Variants in PPP3CA observed in about 807,000 individuals in gnomAD.
PPP3CA encodes CAM-PRP catalytic subunit.
PPP3CA carries 14 observed loss-of-function variants against 66.5 expected under a neutral mutation model. The observed-to-expected ratio is 0.21, with a 90% CI of 0.14 to 0.33. PPP3CA has a LOEUF of 0.33. Among genes scored for constraint, PPP3CA ranks in the 10% least tolerant of loss-of-function variants. The probability of loss-of-function intolerance (pLI) is 1.00; values close to 1 mark genes in which losing one functional copy is unlikely to be tolerated. For synonymous variants in PPP3CA, 232 were observed against 226.2 expected (o/e 1.03, Z -0.23); for missense variants, 317 against 639.5 (o/e 0.50, Z 5.44).
intron 1 of PPP3CA, among the ~76,000 whole-genome samples, chr4:101,310,583 G>A (rs1239562850): frequency 6.6e-6 from 1 of 152,072 alleles, no homozygotes; most frequent in African/African-American, 2.4e-5. Context: ...TGAGGTGGGA[G>A]GATCACTTCA....
chr4:101,039,474 G>A lies in PPP3CA; in HGVS notation c.1241+1008C>T, dbSNP rs529055274. On this transcript the variant is annotated intron_variant, in intron 11 of 13. Transcript: ENST00000394854. ...AGCAAAGGTAGCCTCATTCAATAAC[G>A]GAAGGGAGCAATGATGCCCTATTTT... 9.7e-5 allele frequency among the ~76,000 whole-genome samples: 14 copies of A among 144,866 alleles called. 2 individuals carry two copies. Among genetic ancestry groups the A allele is most frequent in the African/African-American group, 3.5e-4 (14 of 39,876 alleles).
intron 1 of PPP3CA, among the ~76,000 whole-genome samples, chr4:101,254,743 A>C (rs6815276): frequency 6.6e-5 from 10 of 151,744 alleles, no homozygotes; most frequent in African/African-American, 2.4e-4. Context: ...ATTACTCTAA[A>C]TGTTAAATCT....
chr4:101,333,674 G>A (rs1288923438), intron 1 of PPP3CA, among the ~76,000 whole-genome samples: 1 of 151,924 alleles, frequency 6.6e-6, no homozygotes, highest in African/African-American at 2.4e-5. Context: ...GCAGAAACAG[G>A]CATCCATCTT....
rs1438860238 is a variant in PPP3CA at position 101,060,995 on chromosome 4, C to T, written c.1156+92G>A. Reference sequence around the variant, plus strand: ...AATAATGTTACGTTTTAAACATAATCCAAATCTTAGAAATTTATTCTTAGA... The same window carrying T: ...AATAATGTTACGTTTTAAACATAATTCAAATCTTAGAAATTTATTCTTAGA... On this transcript the variant is annotated intron_variant, in intron 10 of 13. Coordinates refer to ENST00000394854, the MANE Select transcript of PPP3CA (RefSeq NM_000944.5). 6 of 1,087,956 alleles carry T rather than the reference C, an allele frequency of 5.5e-6. No individual in the cohort carries two copies. In the African/African-American group the frequency reaches 9.5e-5, roughly 17 times the overall value. 67.4% of individuals were successfully genotyped at this position (1,087,956 alleles called of 1,614,324 possible).
chr4:101,266,446 TTAC>T (rs1727172456), intron 1 of PPP3CA, among the ~76,000 whole-genome samples: 1 of 152,196 alleles, frequency 6.6e-6, no homozygotes, highest in South Asian at 2.1e-4. Flanking sequence ...ATAAGAATGG[TTAC>T]TACTACATTA....
chr4:101,147,723 C>CA (rs1723014856), intron 2 of PPP3CA, among the ~76,000 whole-genome samples: 1 of 152,156 alleles, frequency 6.6e-6, no homozygotes, highest in African/African-American at 2.4e-5. Context: ...CACACACACA[C>CA]ACCCATACCC....
chr4:101,319,467 T>A (rs1337754127), intron 1 of PPP3CA, among the ~76,000 whole-genome samples: 1 of 152,126 alleles, frequency 6.6e-6, no homozygotes, highest in Non-Finnish European at 1.5e-5. Flanking sequence ...TAATCTAATG[T>A]TATTCAAGAG....
At position 101,124,712 on chromosome 4, in the gene PPP3CA, A is replaced by AGAAG. The variant is rs1491479949; in HGVS notation, c.260-15635_260-15634insCTTC. 6.1e-5 allele frequency among the ~76,000 whole-genome samples: 6 copies of AGAAG among 97,632 alleles called. No homozygotes were observed. The East Asian group carries it at 1.4e-3, about 22-fold the overall frequency. 64.1% of individuals were successfully genotyped at this position (97,632 alleles called of 152,430 possible). A position where few individuals can be genotyped will look rare whatever the true frequency, so the allele number is the denominator to read the frequency against. Reference sequence around the variant, plus strand: ...AAGAAAGAAAGAAAGAAAGAAAGAAAGAAAGAAAGAAAGAGAAAGAAAGAA... The same window carrying AGAAG: ...AAGAAAGAAAGAAAGAAAGAAAGAAAGAAGGAAAGAAAGAAAGAGAAAGAAAGAA... On this transcript the variant is annotated intron_variant, in intron 2 of 13. Transcript: ENST00000394854.
chr4:101,321,971 A>G (rs912720611), intron 1 of PPP3CA, among the ~76,000 whole-genome samples: 4 of 152,196 alleles, frequency 2.6e-5, no homozygotes, highest in Admixed American at 2.0e-4. Flanking sequence ...CCTTTCCCTC[A>G]ACTCCAATTA....
chr4:101,207,794 C>T (rs1364347528), intron 1 of PPP3CA, among the ~76,000 whole-genome samples: 2 of 151,708 alleles, frequency 1.3e-5, no homozygotes, highest in South Asian at 4.2e-4. Context: ...CCACTGCAAT[C>T]CAGGCTGGTG....
intron 2 of PPP3CA, among the ~76,000 whole-genome samples, chr4:101,193,840 A>T (rs1724701569): frequency 6.6e-6 from 1 of 152,244 alleles, no homozygotes; most frequent in Non-Finnish European, 1.5e-5. Context: ...TAACTAGGAC[A>T]TTAATTCCTC....
At chr4:101,133,392 T>G (rs540066877) in intron 2 of PPP3CA, among the ~76,000 whole-genome samples, 2 of 152,300 alleles carry the variant, frequency 1.3e-5, no homozygotes, top group South Asian at 2.1e-4. Context: ...ATAAGCAACT[T>G]CAGCAAAGTC....
intron 2 of PPP3CA, among the ~76,000 whole-genome samples, chr4:101,136,790 T>C (rs1722637288): frequency 6.6e-6 from 1 of 152,102 alleles, no homozygotes; most frequent in Non-Finnish European, 1.5e-5. Flanking sequence ...CAATAATGAA[T>C]ATTTTCTTTT....
chr4:101,141,342 C>T (rs1722801991), intron 2 of PPP3CA, among the ~76,000 whole-genome samples: 1 of 152,160 alleles, frequency 6.6e-6, no homozygotes, highest in Non-Finnish European at 1.5e-5. Flanking sequence ...TGCATGCCAA[C>T]TTGGGCAAAA....
chr4:101,058,982 T>A (rs1199619906), intron 10 of PPP3CA, among the ~76,000 whole-genome samples: 1 of 152,104 alleles, frequency 6.6e-6, no homozygotes. Flanking sequence ...CCAGTGGACT[T>A]TGCAAAAAAC....
chr4:101,121,606 A>G lies in PPP3CA; in HGVS notation c.260-12528T>C, dbSNP rs548114445. Among the ~76,000 whole-genome samples, 99 of 152,272 alleles carry G rather than the reference A, an allele frequency of 6.5e-4. No homozygotes were observed. In the Middle Eastern group the frequency reaches 0.01, roughly 16 times the overall value. On this transcript the variant is annotated intron_variant, in intron 2 of 13. Coordinates refer to ENST00000394854, the MANE Select transcript of PPP3CA (RefSeq NM_000944.5). ...ATAATAGCTAAGTACATAAACTAGGATATTTTATTTCATTTTAATTAACAG... is the reference window on the plus strand; with the variant it reads ...ATAATAGCTAAGTACATAAACTAGGGTATTTTATTTCATTTTAATTAACAG...
chr4:101,076,063 G>C (rs1222647789), intron 8 of PPP3CA, among the ~76,000 whole-genome samples: 1 of 152,128 alleles, frequency 6.6e-6, no homozygotes, highest in Admixed American at 6.5e-5. Context: ...TTGAAGCTAT[G>C]TGTCATTACT....
chr4:101,271,464 T>G (rs187060211), intron 1 of PPP3CA, among the ~76,000 whole-genome samples: 171 of 152,216 alleles, frequency 1.1e-3, no homozygotes, highest in Admixed American at 2.3e-3. Context: ...TCAGAGAAAG[T>G]AAACATAAAC....
intron 1 of PPP3CA, among the ~76,000 whole-genome samples, chr4:101,305,977 G>T (rs1728524024): frequency 6.6e-6 from 1 of 151,858 alleles, no homozygotes; most frequent in Non-Finnish European, 1.5e-5. Context: ...TGAAGTAGGA[G>T]ATTTTTTTTT....
Sources: allele counts gnomAD v4.1 joint callset (sites outside exome capture counted in the v4.1 genomes callset), GRCh38; gene constraint gnomAD v4.1.1; transcripts MANE v1.5; gene names NCBI Gene and HGNC (gene_info 2026-07-23, HGNC 2026-07-21).